Variants in EPB41L3 observed in about 807,000 individuals in gnomAD.
EPB41L3 encodes the protein band 4.1-like protein 3.
Under a neutral mutation model 127.1 loss-of-function variants are expected in EPB41L3, and 57 were observed. That is an observed-to-expected ratio of 0.45 (90% confidence interval 0.36 to 0.56). The LOEUF (loss-of-function observed/expected upper bound fraction) is 0.56, where lower values mean the gene tolerates loss of function less well. Among genes scored for constraint, EPB41L3 ranks in the 20% least tolerant of loss-of-function variants. The pLI, the probability that EPB41L3 is intolerant of heterozygous loss-of-function variation, is 0.00. For synonymous variants in EPB41L3, 572 were observed against 549.5 expected, an observed-to-expected ratio of 1.04 and a Z score of -0.57; for missense variants, 1,273 against 1,372.2, an observed-to-expected ratio of 0.93 and a Z score of 1.14.
At chr18:5,549,243 A>G (rs2093929761), upstream of EPB41L3, among the ~76,000 whole-genome samples, 1 of 152,106 alleles carries the variant, frequency 6.6e-6, no homozygotes, top group Non-Finnish European at 1.5e-5. Flanking sequence ...CCCCTTTCCA[A>G]CTGTCTCACT....
intron 3 of EPB41L3, among the ~76,000 whole-genome samples, chr18:5,456,233 T>C (rs1302873548): frequency 2.0e-5 from 3 of 152,208 alleles, no homozygotes; most frequent in Non-Finnish European, 4.4e-5. Flanking sequence ...AGAATAATAT[T>C]GTCATTGCTT....
rs140168800 is a variant in EPB41L3 at position 5,442,242 on chromosome 18, T to C, written c.529+1596A>G. Among the ~76,000 whole-genome samples, 9 of 152,290 alleles carry C rather than the reference T, an allele frequency of 5.9e-5. No individual in the cohort carries two copies. In the East Asian group the frequency reaches 1.2e-3, roughly 20 times the overall value. ...TCTTAGGATTCCTCAGAACAAAAAA[T>C]AAGTAGTGTTTTCACCTATTTATCA... On this transcript the variant is annotated intron_variant, in intron 5 of 22. Transcript: ENST00000341928.
Position 5,617,093 on chromosome 18 carries a change from A to G in EPB41L3, c.-467-2670T>C, listed in dbSNP as rs911786231. Among the ~76,000 whole-genome samples the G allele has an allele frequency of 9.2e-5, 14 of 152,160 alleles. 1 individual carries two copies. Among genetic ancestry groups the G allele is most frequent in the Admixed American group, 8.5e-4 (13 of 15,274 alleles). ...ACCTTCTTCCCTCCAGTGATGTATA[A>G]GATTTGGTATTTTCATAAAATTCTC... On this transcript the variant is annotated intron_variant, in intron 1 of 21. Transcript: ENST00000545076.
At chr18:5,415,732 A>C in intron 13 of EPB41L3, 86 bp downstream of exon 13, 1 of 1,349,958 alleles carries the variant, frequency 7.4e-7, no homozygotes, top group Non-Finnish European at 1.0e-6. Context: ...TGAAAGTAGG[A>C]CCACTATGGC....
At chr18:5,415,740 G>A in intron 13 of EPB41L3, 78 bp downstream of exon 13, 1 of 1,406,852 alleles carries the variant, frequency 7.1e-7, no homozygotes, top group South Asian at 1.3e-5. Context: ...GGACCACTAT[G>A]GCAGCAGCCA....
chr18:5,484,344 C>G (rs1296352424), intron 2 of EPB41L3, among the ~76,000 whole-genome samples: 2 of 150,896 alleles, frequency 1.3e-5, no homozygotes, highest in Non-Finnish European at 3.0e-5. Flanking sequence ...ATAACAAAAG[C>G]AGTACTAAGA....
At chr18:5,422,656 G>A (rs759129573) in intron 11 of EPB41L3, among the ~76,000 whole-genome samples, 7 of 152,172 alleles carry the variant, frequency 4.6e-5, no homozygotes, top group Admixed American at 3.3e-4. Context: ...CCTTGCAGCA[G>A]AAAGTGTACC....
Position 5,398,140 on chromosome 18 carries a change from T to C in EPB41L3, c.2353A>G (p.Lys785Glu), listed in dbSNP as rs1226274031. The C allele has an allele frequency of 6.2e-7, 1 of 1,613,988 alleles. No homozygotes were observed. The highest frequency in any genetic ancestry group is 8.5e-7 in the Non-Finnish European group (1 of 1,179,980). ...MIEPLVPEET[K>E]QSSGEKLMDG... ...ATGAGCTTTTCCCCAGAAGACTGCT[T>C]AGTCTGAGTGAACAAAGAGAGGCAG... Residue 785 changes from lysine to glutamate, a missense_variant, in exon 17 of 23, where the codon AAG (lysine) becomes GAG (glutamate). Transcript: ENST00000341928.
At chr18:5,560,659 A>T (rs2094112126) in intron 3 of EPB41L3, among the ~76,000 whole-genome samples, 1 of 152,134 alleles carries the variant, frequency 6.6e-6, no homozygotes, top group Non-Finnish European at 1.5e-5. Context: ...GTTCAGGTAC[A>T]TTGATCAGGA....
At chr18:5,531,848 T>C (rs940737481) in intron 1 of EPB41L3, among the ~76,000 whole-genome samples, 1 of 152,018 alleles carries the variant, frequency 6.6e-6, no homozygotes, top group Non-Finnish European at 1.5e-5. Context: ...CTTCATTAGC[T>C]TGAGGTGAGT....
intron 5 of EPB41L3, among the ~76,000 whole-genome samples, chr18:5,439,137 G>T (rs575160182): frequency 6.6e-6 from 1 of 151,836 alleles, no homozygotes; most frequent in Non-Finnish European, 1.5e-5. Flanking sequence ...TAGAGCCTAG[G>T]TCCTGCTTGT....
At position 5,395,756 on chromosome 18, in the gene EPB41L3, C is replaced by T. The variant is rs143833943; in HGVS notation, c.2974-49G>A. The T allele has an allele frequency of 1.0e-4, 151 of 1,438,290 alleles. No individual in the cohort carries two copies. In the African/African-American group the frequency reaches 2.0e-3, roughly 19 times the overall value. The allele number at this position is 1,438,290 out of a possible 1,614,324, so 89.1% of individuals were successfully genotyped here. The stretch of plus-strand genomic sequence containing the variant: ...CCTCATCCAGGTGCTCACATCTGCT[C>T]TTCAGAAGTTGGCTACGTTATTTAA... On this transcript the variant is annotated intron_variant, in intron 19 of 22. Transcript: ENST00000341928.
rs564913577 is a variant in EPB41L3 at position 5,443,971 on chromosome 18, C to T, written c.487-91G>A. Reference sequence around the variant, plus strand: ...GTACAGACTCTCCCTAAATGCAGTGCGGAGTTAGTGGTCGTGGGAAGGCTT... The same window carrying T: ...GTACAGACTCTCCCTAAATGCAGTGTGGAGTTAGTGGTCGTGGGAAGGCTT... On this transcript the variant is annotated intron_variant, in intron 4 of 22. Transcript: ENST00000341928. 7.0e-5 allele frequency: 77 copies of T among 1,099,446 alleles called. 1 individual carries two copies. In the Middle Eastern group the frequency reaches 2.1e-3, roughly 30 times the overall value. 68.1% of individuals were successfully genotyped at this position (1,099,446 alleles called of 1,614,324 possible).
In EPB41L3 at chr18:5,397,058, C is replaced by T; in HGVS notation, c.2841G>A (p.Glu947=). The T allele has an allele frequency of 6.3e-7, 1 of 1,590,186 alleles. No individual in the cohort carries two copies. Among genetic ancestry groups the T allele is most frequent in the Non-Finnish European group, 8.5e-7 (1 of 1,170,350 alleles). ...SETLEQKPHF[E]SSTVKTETIS... is the part of the protein sequence containing the mutation. The stretch of plus-strand genomic sequence containing the variant: ...AAAAGTAACATTTACTACTAGTTAC[C>T]TCAAAATGAGGTTTTTGTTCCAAAG... Residue 947 remains glutamate, a splice_region_variant and synonymous_variant, in exon 18 of 23, where the codon GAG becomes GAA. Coordinates refer to ENST00000341928, the MANE Select transcript of EPB41L3 (RefSeq NM_012307.5). This position sits in a 1 kb window ranked among gnomAD's most constrained non-coding sequence, Gnocchi z 4.1.
chr18:5,584,363 G>A, intron 3 of EPB41L3, among the ~76,000 whole-genome samples: 1 of 152,148 alleles, frequency 6.6e-6, no homozygotes, highest in East Asian at 1.9e-4. Context: ...AATATGTGTG[G>A]TGAAAGTCAT....
chr18:5,483,566 CTA>C (rs2089023967), intron 2 of EPB41L3, among the ~76,000 whole-genome samples: 1 of 151,812 alleles, frequency 6.6e-6, no homozygotes, highest in Non-Finnish European at 1.5e-5. Context: ...CAAGAACCAA[CTA>C]TATGTTAGCT....
intron 3 of EPB41L3, among the ~76,000 whole-genome samples, chr18:5,454,900 T>A (rs541357505): frequency 2.0e-5 from 3 of 152,340 alleles, no homozygotes; most frequent in South Asian, 2.1e-4. Flanking sequence ...AGTTGGATAT[T>A]CCTACCCACT....
intron 3 of EPB41L3, among the ~76,000 whole-genome samples, chr18:5,585,479 T>G (rs2094434078): frequency 6.6e-6 from 1 of 152,082 alleles, no homozygotes; most frequent in Non-Finnish European, 1.5e-5. Flanking sequence ...AATTTTTGTA[T>G]TTTTAGTAGA....
chr18:5,515,160 C>T (rs1039460063), intron 1 of EPB41L3, among the ~76,000 whole-genome samples: 5 of 152,180 alleles, frequency 3.3e-5, no homozygotes, highest in African/African-American at 1.2e-4. Context: ...TCACTTACCG[C>T]AAGCCTTTCC....
Sources: allele counts gnomAD v4.1 joint callset (sites outside exome capture counted in the v4.1 genomes callset), GRCh38; gene constraint gnomAD v4.1.1; non-coding constraint Gnocchi (gnomAD v3.1); transcripts MANE v1.5; gene names NCBI Gene and HGNC (gene_info 2026-07-23, HGNC 2026-07-21).